The following CERK variants were observed in gnomAD, a reference collection of about 807,000 sequenced individuals.
CERK encodes ceramide kinase, also known as acylsphingosine kinase.
In CERK, 39 loss-of-function variants were observed where a neutral mutation model predicts 63.4. The ratio of observed to expected loss-of-function variants is 0.61; its 90% CI spans 0.48 to 0.80. The LOEUF (loss-of-function observed/expected upper bound fraction) is 0.80, where lower values mean the gene tolerates loss of function less well. Ranked by LOEUF, CERK falls within the 30% of genes least tolerant of loss-of-function variation. The pLI is 0.00. For synonymous variants in CERK, 302 were observed against 280.0 expected, an observed-to-expected ratio of 1.08 and a Z score of -0.78; for missense variants, 670 against 714.1, an observed-to-expected ratio of 0.94 and a Z score of 0.70.
At chr22:46,736,607 G>A (rs923695895) in intron 1 of CERK, among the ~76,000 whole-genome samples, 2 of 152,210 alleles carry the variant, frequency 1.3e-5, no homozygotes, top group Non-Finnish European at 2.9e-5. Context: ...CCTTGTGTGT[G>A]GGCCCTGGTG....
At chr22:46,709,616 A>G (rs1384905708) in intron 5 of CERK, among the ~76,000 whole-genome samples, 1 of 152,242 alleles carries the variant, frequency 6.6e-6, no homozygotes, top group African/African-American at 2.4e-5. Context: ...TGTTTGTGGA[A>G]TGAATAATGA....
At chr22:46,704,731 A>G (rs1376624832) in intron 6 of CERK, among the ~76,000 whole-genome samples, 2 of 150,816 alleles carry the variant, frequency 1.3e-5, no homozygotes, top group Non-Finnish European at 3.0e-5. Context: ...AGGCTAAGGC[A>G]GGAGAATTGC....
intron 9 of CERK, 167 bp from the exon 10 acceptor site, chr22:46,693,670 C>A (rs958179855): frequency 8.6e-6 from 5 of 581,900 alleles, no homozygotes; most frequent in Middle Eastern, 4.4e-4. Flanking sequence ...CAGAATGAGA[C>A]CTACTTTTAC....
intron 12 of CERK, 78 bp downstream of exon 12, chr22:46,689,914 C>G (rs531397057): frequency 8.8e-7 from 1 of 1,137,108 alleles, no homozygotes; most frequent in African/African-American, 1.6e-5. Context: ...AACCCCCCAC[C>G]CTGGGTGGGG....
chr22:46,712,504 T>C (rs907421363), intron 3 of CERK, among the ~76,000 whole-genome samples: 4 of 152,228 alleles, frequency 2.6e-5, no homozygotes, highest in African/African-American at 9.6e-5. Context: ...GCAAAGGCTA[T>C]ACACACATGT....
intron 1 of CERK, among the ~76,000 whole-genome samples, chr22:46,721,430 T>A (rs1286188165): frequency 6.7e-6 from 1 of 149,508 alleles, no homozygotes; most frequent in East Asian, 1.9e-4. Context: ...ACAGCTTTTT[T>A]AATACCCCCT....
At chr22:46,718,262 G>C (rs1335982817) in intron 3 of CERK, among the ~76,000 whole-genome samples, 2 of 152,144 alleles carry the variant, frequency 1.3e-5, no homozygotes. Flanking sequence ...GGGTTCAGAG[G>C]ACTTTCTCTT....
chr22:46,717,279 G>A (rs944896354), intron 3 of CERK, among the ~76,000 whole-genome samples: 3 of 152,184 alleles, frequency 2.0e-5, no homozygotes, highest in African/African-American at 7.2e-5. Context: ...CCATTCCCAG[G>A]TATGCACCCA....
chr22:46,727,158 G>T (rs1447250183), intron 1 of CERK, among the ~76,000 whole-genome samples: 1 of 152,170 alleles, frequency 6.6e-6, no homozygotes, highest in African/African-American at 2.4e-5. Flanking sequence ...AAATCTCACA[G>T]CAAGCCCCCA....
chr22:46,712,125 A>G (rs1278400776), intron 4 of CERK, 43 bp downstream of exon 4: 1 of 1,609,810 alleles, frequency 6.2e-7, no homozygotes, highest in Non-Finnish European at 8.5e-7. Context: ...TACTTGAATC[A>G]TTCTCAAACT....
rs1231461301 is a variant in CERK, at chr22:46,686,910, G to C, written c.*224C>G. ...TGCCCCCAAGTGAGCAGCTGCATCC[G>C]CTGAGAGTAAGCGGCGTGGGCTGCA... is the stretch of plus-strand genomic sequence containing the variant. On this transcript the variant is annotated 3_prime_UTR_variant, in exon 13 of 13. Transcript: ENST00000216264. The C allele has an allele frequency of 1.9e-6, 1 of 514,000 alleles. No individual in the cohort carries two copies. Among genetic ancestry groups the C allele is most frequent in the Non-Finnish European group, 3.5e-6 (1 of 284,708 alleles). 31.8% of individuals were successfully genotyped at this position (514,000 alleles called of 1,614,324 possible). A position where few individuals can be genotyped will look rare whatever the true frequency, so the allele number is the denominator to read the frequency against.
chr22:46,708,166 C>T (rs1211101752), intron 5 of CERK, among the ~76,000 whole-genome samples, 178 bp from the exon 6 acceptor site: 1 of 152,216 alleles, frequency 6.6e-6, no homozygotes, highest in Non-Finnish European at 1.5e-5. Context: ...GCCAGTTGGC[C>T]TAGACCACGT....
At chr22:46,723,994 G>T (rs1049888479) in intron 1 of CERK, among the ~76,000 whole-genome samples, 2 of 152,114 alleles carry the variant, frequency 1.3e-5, no homozygotes, top group Non-Finnish European at 2.9e-5. Flanking sequence ...CACCGCGCCT[G>T]GCCAGATTTT....
At chr22:46,735,045 T>TAG (rs1354346115) in intron 1 of CERK, 1 of 151,784 alleles carries the variant, frequency 6.6e-6, no homozygotes, top group South Asian at 2.1e-4. Context: ...CCCACAAAGG[T>TAG]AGAGCCTGGG....
intron 8 of CERK, 85 bp downstream of exon 8, chr22:46,699,228 T>C (rs1481239683): frequency 2.2e-6 from 3 of 1,387,166 alleles, no homozygotes; most frequent in Non-Finnish European, 2.0e-6. Flanking sequence ...CCTCTGACGG[T>C]GCTCAGTGGA....
Position 46,711,181 on chromosome 22 carries a change from A to C in CERK, c.506-32T>G, listed in dbSNP as rs949993109. The C allele has an allele frequency of 2.6e-6, 4 of 1,548,194 alleles. No homozygotes were observed. The African/African-American group carries it at 5.4e-5, about 21-fold the overall frequency. On this transcript the variant is annotated intron_variant, in intron 4 of 12. Transcript: ENST00000216264. The stretch of plus-strand genomic sequence containing the variant: ...GGAAAAATTACATCACACAGTTTAT[A>C]TTCACATCTGTGAGTCCTCACGTAA...
rs565552492 is a variant in CERK at position 46,722,536 on chromosome 22, G to A, written c.143-1521C>T. On this transcript the variant is annotated intron_variant, in intron 1 of 12. Coordinates refer to ENST00000216264, the MANE Select transcript of CERK (RefSeq NM_022766.6). ...TCTCAGGGTCCCCACCCTCCGGTGT[G>A]CCCCACCTGGGCCTCCCATCTTTTT... Among the ~76,000 whole-genome samples the A allele has an allele frequency of 4.6e-5, 7 of 151,160 alleles. No individual in the cohort carries two copies. The East Asian group carries it at 1.4e-3, about 29-fold the overall frequency.
chr22:46,723,186 C>T (rs1306607977), intron 1 of CERK, among the ~76,000 whole-genome samples: 1 of 152,176 alleles, frequency 6.6e-6, no homozygotes, highest in African/African-American at 2.4e-5. Context: ...ACAAAGATGC[C>T]AGCAGGGTCA....
rs138510094 is a variant in CERK, at chr22:46,699,317, A to G, written c.939T>C (p.Phe313=). 2.8e-4 allele frequency: 451 copies of G among 1,614,116 alleles called. 1 individual carries two copies. In the African/African-American group the frequency reaches 5.4e-3, roughly 19 times the overall value. Residue 313 remains phenylalanine (F), a synonymous_variant, in exon 8 of 13, where the codon TTT becomes TTC. Coordinates refer to ENST00000216264, the MANE Select transcript of CERK (RefSeq NM_022766.6). ...GTCTGCATTATTCTGAGTTACCTGA[A>G]AAGTCGTATCTGGCAAGACCCAACC... ...KRWLGLARYD[F]SGLKTFLSHH...
Sources: allele counts gnomAD v4.1 joint callset (sites outside exome capture counted in the v4.1 genomes callset), GRCh38; gene constraint gnomAD v4.1.1; transcripts MANE v1.5; gene names NCBI Gene and HGNC (gene_info 2026-07-23, HGNC 2026-07-21).